Variants in UCK2 observed in about 807,000 individuals in gnomAD.
UCK2 encodes cytidine monophosphokinase 2.
A neutral mutation model predicts 30.8 loss-of-function variants in UCK2; 6 were observed. The observed-to-expected ratio is 0.19, with a 90% CI of 0.11 to 0.38. The LOEUF is 0.38. Among genes scored for constraint, UCK2 ranks in the 10% least tolerant of loss-of-function variants. The pLI is 1.00. For synonymous variants in UCK2, 125 were observed against 133.6 expected (o/e 0.94, Z 0.45); for missense variants, 210 against 339.8 (o/e 0.62, Z 3.00).
chr1:165,869,174 A>T (rs148813232), intron 1 of UCK2, among the ~76,000 whole-genome samples: 1 of 152,330 alleles, frequency 6.6e-6, no homozygotes, highest in Non-Finnish European at 1.5e-5. Context: ...TACAATAGTA[A>T]TGTCAAAGAT....
At position 165,848,569 on chromosome 1, in the gene UCK2, G is replaced by A. The variant is rs1476988829; in HGVS notation, c.99+20637G>A. ...ATCGCTTGAACCCACCGAGGCGGAGGTTGTAGTGAGCTGAGATCATGCTGC... is the reference window on the plus strand; with the variant it reads ...ATCGCTTGAACCCACCGAGGCGGAGATTGTAGTGAGCTGAGATCATGCTGC... On this transcript the variant is annotated intron_variant, in intron 1 of 6. Transcript: ENST00000367879. 2.6e-5 allele frequency among the ~76,000 whole-genome samples: 4 copies of A among 151,950 alleles called. No individual in the cohort carries two copies. The East Asian group carries it at 5.8e-4, about 22-fold the overall frequency.
chr1:165,858,066 A>T (rs1654794976), intron 1 of UCK2, among the ~76,000 whole-genome samples: 1 of 152,184 alleles, frequency 6.6e-6, no homozygotes, highest in South Asian at 2.1e-4. Context: ...TTCCTTTCAG[A>T]CCATTACAAA....
In UCK2 at chr1:165,909,831, C is replaced by T. The variant is rs1050313582; in HGVS notation, c.*2008C>T. 1 of 152,322 alleles carries T rather than the reference C, an allele frequency of 6.6e-6. No homozygotes were observed. Among genetic ancestry groups the T allele is most frequent in the Non-Finnish European group, 1.5e-5 (1 of 68,086 alleles). 9.4% of individuals were successfully genotyped at this position (152,322 alleles called of 1,614,324 possible). A position where few individuals can be genotyped will look rare whatever the true frequency, so the allele number is the denominator to read the frequency against. ...GGCCTTGATGGCACTGGGCTGTGCT[C>T]AGGTGAAGCCCACCCGTGTCTGGGA... On this transcript the variant is annotated 3_prime_UTR_variant, in exon 7 of 7. Transcript: ENST00000367879.
chr1:165,841,134 A>T (rs867295332), intron 1 of UCK2, among the ~76,000 whole-genome samples: 1 of 140,924 alleles, frequency 7.1e-6, no homozygotes, highest in African/African-American at 2.7e-5. Context: ...TATATATATA[A>T]AATGAATATA....
At position 165,872,517 on chromosome 1, in the gene UCK2, A is replaced by T. The variant is rs577300586; in HGVS notation, c.100-17687A>T. 1.5e-4 allele frequency among the ~76,000 whole-genome samples: 23 copies of T among 152,290 alleles called. No individual in the cohort carries two copies. The South Asian group carries it at 4.8e-3, about 32-fold the overall frequency. On this transcript the variant is annotated intron_variant, in intron 1 of 6. Transcript: ENST00000367879. ...TTGATGGTGGGGGCTAGCTGGGCAT[A>T]TATATGGAAATTTTAAAAAATGCAG...
At chr1:165,834,818 C>T (rs185960708) in intron 1 of UCK2, among the ~76,000 whole-genome samples, 165 of 152,212 alleles carry the variant, frequency 1.1e-3, no homozygotes, top group Admixed American at 1.8e-3. Context: ...TACACTTAAC[C>T]TTCAGTACCC....
At chr1:165,865,882 T>G (rs1434802844) in intron 1 of UCK2, among the ~76,000 whole-genome samples, 1 of 152,204 alleles carries the variant, frequency 6.6e-6, no homozygotes, top group Non-Finnish European at 1.5e-5. Context: ...GCCAGTTCTT[T>G]TGATTCTAAA....
At chr1:165,850,122 CTG>C (rs986933811) in intron 1 of UCK2, among the ~76,000 whole-genome samples, 5 of 152,102 alleles carry the variant, frequency 3.3e-5, no homozygotes, top group South Asian at 2.1e-4. Flanking sequence ...ATTTAAAAAA[CTG>C]TTTTTATTTT....
intron 1 of UCK2, among the ~76,000 whole-genome samples, chr1:165,850,213 C>T (rs932023381): frequency 6.6e-6 from 1 of 151,968 alleles, no homozygotes; most frequent in Non-Finnish European, 1.5e-5. Context: ...TCACCACAGC[C>T]TCCACCTCCT....
At chr1:165,840,770 C>A (rs1388000575) in intron 1 of UCK2, among the ~76,000 whole-genome samples, 1 of 152,080 alleles carries the variant, frequency 6.6e-6, no homozygotes, top group Non-Finnish European at 1.5e-5. Context: ...TTAAGTTGTG[C>A]CTTTTTCCTA....
intron 4 of UCK2, chr1:165,900,234 C>T (rs138670059): frequency 3.3e-5 from 5 of 152,344 alleles, no homozygotes; most frequent in South Asian, 2.1e-4. Flanking sequence ...CCTCCCAACG[C>T]GTCCTCAGGT....
chr1:165,905,904 ACTGT>A lies in UCK2; in HGVS notation c.598-14_598-11del. 6.2e-7 allele frequency: 1 copy of A among 1,613,184 alleles called. No individual in the cohort carries two copies. On this transcript the variant is annotated splice_polypyrimidine_tract_variant and intron_variant, in intron 5 of 6. Transcript: ENST00000367879. ...CTCTTAACTGTATTAATGCATATTA[ACTGT>A]CTTTCTCCACAGACAAAGAAGTATG...
At chr1:165,883,638 G>A (rs1271454865) in intron 1 of UCK2, among the ~76,000 whole-genome samples, 1 of 152,148 alleles carries the variant, frequency 6.6e-6, no homozygotes, top group Non-Finnish European at 1.5e-5. Flanking sequence ...GCATGGGTGG[G>A]TGGTGGTGAT....
intron 3 of UCK2, chr1:165,895,449 T>C: frequency 1.0e-6 from 1 of 984,010 alleles, no homozygotes; most frequent in Non-Finnish European, 1.2e-6. Flanking sequence ...AAAGTCATGT[T>C]TACAATTAGT....
At chr1:165,862,556 GT>G (rs1654942342) in intron 1 of UCK2, among the ~76,000 whole-genome samples, 1 of 152,196 alleles carries the variant, frequency 6.6e-6, no homozygotes, top group Non-Finnish European at 1.5e-5. Context: ...ACTGCTTTGT[GT>G]CCTTAAGGAA....
At chr1:165,899,613 G>C (rs959137958) in intron 4 of UCK2, among the ~76,000 whole-genome samples, 3 of 152,182 alleles carry the variant, frequency 2.0e-5, no homozygotes, top group Non-Finnish European at 4.4e-5. Context: ...AGGGAATGTG[G>C]GCAGACTTGT....
chr1:165,856,901 G>GTT (rs60388478), intron 1 of UCK2, among the ~76,000 whole-genome samples: 1,374 of 134,710 alleles, frequency 0.01, 48 homozygotes, highest in Admixed American at 0.075. Flanking sequence ...CGGCCCCAGG[G>GTT]TTTTTTTTTT....
Position 165,827,806 on chromosome 1 carries a change from G to A in UCK2, c.-28G>A. 7.2e-7 allele frequency: 1 copy of A among 1,389,994 alleles called. No homozygotes were observed. The highest frequency in any genetic ancestry group is 3.0e-5 in the East Asian group (1 of 33,358). The allele number at this position is 1,389,994 out of a possible 1,614,324, so 86.1% of individuals were successfully genotyped here. A position where few individuals can be genotyped will look rare whatever the true frequency, so the allele number is the denominator to read the frequency against. ...CGGGGAGCGTGCGTCCGTTCGCACA[G>A]GCAGCGGGAGGAGGGGCGGCGCGAA... On this transcript the variant is annotated 5_prime_UTR_variant, in exon 1 of 7. Coordinates refer to ENST00000367879, the MANE Select transcript of UCK2 (RefSeq NM_012474.5).
At chr1:165,906,951 T>C (rs1281657998) in intron 6 of UCK2, among the ~76,000 whole-genome samples, 2 of 152,256 alleles carry the variant, frequency 1.3e-5, no homozygotes, top group African/African-American at 4.8e-5. Flanking sequence ...TGACCTCTTT[T>C]AACCTGGAGA....
Sources: allele counts gnomAD v4.1 joint callset (sites outside exome capture counted in the v4.1 genomes callset), GRCh38; gene constraint gnomAD v4.1.1; transcripts MANE v1.5; gene names NCBI Gene and HGNC (gene_info 2026-07-23, HGNC 2026-07-21).